Variants in ABCA7 observed in about 807,000 individuals in gnomAD.
ABCA7 encodes phospholipid-transporting ATPase ABCA7.
A neutral mutation model predicts 227.6 loss-of-function variants in ABCA7; 261 were observed. The observed-to-expected ratio is 1.15, with a 90% CI of 1.04 to 1.27. The LOEUF (loss-of-function observed/expected upper bound fraction) is 1.27. Ranked by LOEUF, ABCA7 falls within the 50% of genes most tolerant of loss-of-function variation. ABCA7 has a pLI of 0.00. For synonymous variants in ABCA7, 1,488 were observed against 1,279.7 expected (o/e 1.16, Z -3.47); for missense variants, 3,331 against 2,924.5 (o/e 1.14, Z -3.21).
chr19:1,064,723 A>T lies in ABCA7; in HGVS notation c.6045-208A>T. 4.8e-6 allele frequency: 4 copies of T among 840,800 alleles called. No homozygotes were observed. The South Asian group carries it at 6.4e-5, about 13-fold the overall frequency. The allele number at this position is 840,800 out of a possible 1,614,324, so 52.1% of individuals were successfully genotyped here. A position where few individuals can be genotyped will look rare whatever the true frequency, so the allele number is the denominator to read the frequency against. ...TAGGGAGACCCCATCTCTATAAAAA[A>T]TTTAAAAATTAGCTGGACATGGTGG... On this transcript the variant is annotated intron_variant, in intron 45 of 46. Transcript: ENST00000263094.
intron 13 of ABCA7, among the ~76,000 whole-genome samples, 167 bp downstream of exon 13, chr19:1,046,573 G>A (rs1327239696): frequency 2.1e-5 from 3 of 143,722 alleles, no homozygotes; most frequent in African/African-American, 5.1e-5. Context: ...GGACTCTGAG[G>A]GTCTGGTGGG....
chr19:1,044,973 C>T (rs764798425), intron 11 of ABCA7, 29 bp from the exon 12 acceptor site: 65 of 1,606,038 alleles, frequency 4.0e-5, no homozygotes, highest in Admixed American at 3.7e-4. Context: ...CGGACCCCAG[C>T]GCCTAGGACT....
rs1029329433 is a variant in ABCA7, at chr19:1,056,758, C to T, written c.4587-149C>T. The T allele has an allele frequency of 1.0e-6, 1 of 1,000,414 alleles. No individual in the cohort carries two copies. Among genetic ancestry groups the T allele is most frequent in the Non-Finnish European group, 1.5e-6 (1 of 663,814 alleles). 62.0% of individuals were successfully genotyped at this position (1,000,414 alleles called of 1,614,324 possible). On this transcript the variant is annotated intron_variant, in intron 33 of 46. Transcript: ENST00000263094. The surrounding 1 kb of genome is among the most constrained non-coding windows in gnomAD (Gnocchi z 4.3). Reference sequence around the variant, plus strand: ...CCTGTACAACCTCTGCTGCCAAATCCCAGGCACCCTCATCCCTAAATTGCC... The same window carrying T: ...CCTGTACAACCTCTGCTGCCAAATCTCAGGCACCCTCATCCCTAAATTGCC...
rs773212510 is a variant in ABCA7 at position 1,054,528 on chromosome 19, G to C, written c.3727-42G>C. The C allele has an allele frequency of 5.6e-6, 9 of 1,595,854 alleles. No homozygotes were observed. In the South Asian group the frequency reaches 9.9e-5, roughly 18 times the overall value. ...AGCAGGGACAGGTGCAAGCAAGCCT[G>C]GAGGGTGGATGGAAGCAGCAGCTGA... On this transcript the variant is annotated intron_variant, in intron 27 of 46. Transcript: ENST00000263094. This position sits in a 1 kb window ranked among gnomAD's most constrained non-coding sequence, Gnocchi z 4.8.
Position 1,055,242 on chromosome 19 carries a change from C to A in ABCA7, c.4096C>A (p.Pro1366Thr), listed in dbSNP as rs780887058. 3 of 1,603,380 alleles carry A rather than the reference C, an allele frequency of 1.9e-6. No individual in the cohort carries two copies. Among genetic ancestry groups the A allele is most frequent in the South Asian group, 2.2e-5 (2 of 89,942 alleles). Reference protein sequence around the residue: ...LPDCPAAAGGPPPPQAVTGSG... With the variant: ...LPDCPAAAGGTPPPQAVTGSG... ...CGACTGCCCGGCTGCAGCTGGTGGT[C>A]CCCCTCCGCCCCAGGCAGTGACCGG... is the stretch of plus-strand genomic sequence containing the variant. Residue 1366 changes from proline (P) to threonine (T), a missense_variant, in exon 30 of 47, where the codon CCC becomes ACC. By Grantham distance (38) the Pro-to-Thr change is conservative. Transcript: ENST00000263094.
chr19:1,046,189 C>A, intron 12 of ABCA7, 41 bp from the exon 13 acceptor site: 1 of 1,596,728 alleles, frequency 6.3e-7, no homozygotes. Flanking sequence ...CCGGGAGTTT[C>A]TAGCCCTTCC....
chr19:1,061,457 G>A (rs1403028392), intron 40 of ABCA7, among the ~76,000 whole-genome samples: 1 of 150,352 alleles, frequency 6.7e-6, no homozygotes, highest in East Asian at 1.9e-4. Flanking sequence ...AGCACTTTAG[G>A]AGTTCAAGGC....
In ABCA7 at chr19:1,055,367, G is replaced by A; in HGVS notation, c.4205+16G>A. 1 of 1,553,878 alleles carries A rather than the reference G, an allele frequency of 6.4e-7. No homozygotes were observed. Among genetic ancestry groups the A allele is most frequent in the Non-Finnish European group, 8.7e-7 (1 of 1,151,704 alleles). ...TGCGCCAGGGGTGAGCCATGCCCTG[G>A]GACTCAGTTTCCCTGGCTATAGCAT... On this transcript the variant is annotated intron_variant, in intron 30 of 46. Coordinates refer to ENST00000263094, the MANE Select transcript of ABCA7 (RefSeq NM_019112.4).
intron 16 of ABCA7, among the ~76,000 whole-genome samples, chr19:1,048,422 G>A (rs774620033): frequency 6.7e-6 from 1 of 148,318 alleles, no homozygotes; most frequent in Non-Finnish European, 1.5e-5. Context: ...CTTGAATCCC[G>A]GAGGCGGAGG....
chr19:1,044,596 A>G lies in ABCA7; in HGVS notation c.1067A>G (p.Asp356Gly). The G allele has an allele frequency of 2.5e-6, 4 of 1,612,578 alleles. No individual in the cohort carries two copies. The highest frequency in any genetic ancestry group is 1.7e-4 in the Middle Eastern group (1 of 6,058). ...AMLQRLLQMQ[D>G]EGRRQPRPGG... Reference sequence around the variant, plus strand: ...CCCCAGCGGCTCCTGCAGATGCAGGATGAAGGAAGAAGGCAGCCCAGACCT... The same window carrying G: ...CCCCAGCGGCTCCTGCAGATGCAGGGTGAAGGAAGAAGGCAGCCCAGACCT... The change falls in exon 11 of 47, where the codon GAT (aspartate) becomes GGT (glycine). Residue 356 changes from aspartate (D) to glycine (G), a missense_variant. Asp to Gly is a moderately conservative substitution (Grantham distance 94). Coordinates refer to ENST00000263094, the MANE Select transcript of ABCA7 (RefSeq NM_019112.4).
intron 40 of ABCA7, among the ~76,000 whole-genome samples, chr19:1,061,314 T>C (rs2042636747): frequency 6.7e-6 from 1 of 149,690 alleles, no homozygotes; most frequent in African/African-American, 2.5e-5. Flanking sequence ...GGAGAATTGC[T>C]TGAACCCAGG....
chr19:1,063,721 A>T lies in ABCA7; in HGVS notation c.5848-39A>T, dbSNP rs1308078281. ...CTGGGTGGGGTGGGGCCTGCGACGG[A>T]GGCGGGGCCTTGCTTATGGGATCTT... On this transcript the variant is annotated intron_variant, in intron 43 of 46. Coordinates refer to ENST00000263094, the MANE Select transcript of ABCA7 (RefSeq NM_019112.4). The T allele has an allele frequency of 1.1e-5, 17 of 1,553,088 alleles. No homozygotes were observed. The East Asian group carries it at 3.1e-4, about 29-fold the overall frequency.
At chr19:1,057,886 T>C in intron 35 of ABCA7, 29 bp from the exon 36 acceptor site, 5 of 1,613,434 alleles carry the variant, frequency 3.1e-6, no homozygotes, top group Non-Finnish European at 4.2e-6. Context: ...TCTGAGTGGT[T>C]ACTCCAGTGA....
Position 1,063,695 on chromosome 19 carries a change from C to T in ABCA7, c.5847+17C>T. The T allele has an allele frequency of 6.3e-7, 1 of 1,576,064 alleles. No individual in the cohort carries two copies. Among genetic ancestry groups the T allele is most frequent in the Admixed American group, 1.9e-5 (1 of 53,474 alleles). On this transcript the variant is annotated intron_variant, in intron 43 of 46. Coordinates refer to ENST00000263094, the MANE Select transcript of ABCA7 (RefSeq NM_019112.4). ...GTGTTTCTGGTGCGTGGGAGCGGTG[C>T]CTGGGTGGGGTGGGGCCTGCGACGG...
chr19:1,058,820 G>A lies in ABCA7; in HGVS notation c.5280G>A (p.Gln1760=), dbSNP rs774101964. The A allele has an allele frequency of 3.2e-6, 5 of 1,582,342 alleles. No homozygotes were observed. Among genetic ancestry groups the A allele is most frequent in the Non-Finnish European group, 4.3e-6 (5 of 1,161,112 alleles). Residue 1760 remains glutamine (Q), a splice_region_variant and synonymous_variant, in exon 39 of 47, where the codon CAG becomes CAA. Coordinates refer to ENST00000263094, the MANE Select transcript of ABCA7 (RefSeq NM_019112.4). ...AAGCCCACAGATATTCTGTCCCCAG[G>A]CCCAGGGTGAGGTCTCTGCCACTCC... is the stretch of plus-strand genomic sequence containing the variant. ...LLQHRSQLLP[Q]PRVRSLPLLG...
chr19:1,057,918 G>T lies in ABCA7; in HGVS notation c.4884G>T (p.Trp1628Cys), dbSNP rs1259808255. ...ALLLLLLLYGWSITPLMYPAS... is the reference protein window; with the variant it reads ...ALLLLLLLYGCSITPLMYPAS... ...GTGACTCCTATTGTCCCTTCAGCTG[G>T]TCGATCACACCGCTCATGTACCCAG... The change falls in exon 36 of 47, where the codon TGG becomes TGT. Residue 1628 changes from tryptophan (W) to cysteine (C), a missense_variant. Coordinates refer to ENST00000263094, the MANE Select transcript of ABCA7 (RefSeq NM_019112.4). 6.2e-7 allele frequency: 1 copy of T among 1,614,048 alleles called. No homozygotes were observed.
chr19:1,042,487 C>G (rs773985012), intron 6 of ABCA7, 90 bp downstream of exon 6: 6 of 1,487,994 alleles, frequency 4.0e-6, no homozygotes, highest in Non-Finnish European at 4.6e-6. Flanking sequence ...AAGGACCTCC[C>G]GTTCCAGGCA....
chr19:1,049,243 C>G (rs2041112284), intron 17 of ABCA7, 23 bp from the exon 18 acceptor site: 4 of 1,576,276 alleles, frequency 2.5e-6, no homozygotes, highest in Non-Finnish European at 3.5e-6. Context: ...ACCTCCATGG[C>G]TGAGTCCACC....
Position 1,051,565 on chromosome 19 carries a change from C to G in ABCA7, c.2941C>G (p.Leu981Val). Residue 981 changes from leucine to valine, a missense_variant, in exon 21 of 47, where the codon CTG becomes GTG. Transcript: ENST00000263094. ...DPASRRGIWE[L>V]LLKYREGRTL... is the part of the protein sequence containing the mutation. ...TGCTTCCCGCCGCGGTATTTGGGAG[C>G]TGCTGCTCAAATACCGAGAAGGTAA... is the stretch of plus-strand genomic sequence containing the variant. The G allele has an allele frequency of 6.2e-7, 1 of 1,612,322 alleles. No homozygotes were observed.
Sources: gnomAD v4.1 joint callset for allele counts (sites outside exome capture counted in the v4.1 genomes callset) on GRCh38, gnomAD v4.1.1 for gene constraint, Gnocchi (gnomAD v3.1) non-coding constraint, MANE v1.5 for transcripts, NCBI Gene and HGNC (gene_info 2026-07-23, HGNC 2026-07-21) for gene names.